USP7: variants seen among roughly 807,000 people sequenced by gnomAD.
The protein encoded by USP7 is ubiquitin specific peptidase 7.
A neutral mutation model predicts 162.9 loss-of-function variants in USP7; 9 were observed. The observed-to-expected ratio is 0.06, with a 90% confidence interval of 0.03 to 0.10. The LOEUF (loss-of-function observed/expected upper bound fraction) is 0.10, where lower values mean the gene tolerates loss of function less well. USP7 is among the 10% of genes least tolerant of loss of function. The pLI is 1.00. For synonymous variants in USP7, 562 were observed against 475.9 expected, an observed-to-expected ratio of 1.18 and a Z score of -2.35; for missense variants, 715 against 1,373.7, an observed-to-expected ratio of 0.52 and a Z score of 7.58.
At chr16:8,896,899 T>C in intron 26 of USP7, 100 bp downstream of exon 26, 4 of 900,124 alleles carry the variant, frequency 4.4e-6, no homozygotes, top group Non-Finnish European at 7.4e-6. Context: ...ATGACGCGCA[T>C]GGATCCCAGC....
At chr16:8,913,902 C>G (rs1042771698) in intron 10 of USP7, among the ~76,000 whole-genome samples, 2 of 151,804 alleles carry the variant, frequency 1.3e-5, no homozygotes, top group African/African-American at 4.9e-5. Flanking sequence ...GTGCATGCCA[C>G]CACGCCCAGC....
chr16:8,914,779 T>A (rs886977537), intron 10 of USP7, among the ~76,000 whole-genome samples: 1 of 150,172 alleles, frequency 6.7e-6, no homozygotes, highest in Non-Finnish European at 1.5e-5. Flanking sequence ...ATTAGCTGGG[T>A]GTGGTGGCAC....
At chr16:8,933,838 C>T (rs1898525464) in intron 1 of USP7, among the ~76,000 whole-genome samples, 1 of 151,850 alleles carries the variant, frequency 6.6e-6, no homozygotes, top group African/African-American at 2.4e-5. Flanking sequence ...TCACTGCAGC[C>T]TCCATCTCCT....
At chr16:8,946,290 C>A (rs530812652) in intron 1 of USP7, among the ~76,000 whole-genome samples, 12 of 152,006 alleles carry the variant, frequency 7.9e-5, no homozygotes, top group Non-Finnish European at 1.2e-4. Flanking sequence ...ACAACAACAA[C>A]AAAAAAATGG....
chr16:8,892,599 T>TA lies in USP7; in HGVS notation c.*1398dup, dbSNP rs945551502. ...TTTCTTAAGAGTAAATGTGACTAGTTAGAGGCTAAAAAAAAAAAAAAAAAA... is the reference window on the plus strand; with the variant it reads ...TTTCTTAAGAGTAAATGTGACTAGTTAAGAGGCTAAAAAAAAAAAAAAAAAA... On this transcript the variant is annotated 3_prime_UTR_variant, in exon 31 of 31. Coordinates refer to ENST00000344836, the MANE Select transcript of USP7 (RefSeq NM_003470.3). 1 of 111,878 alleles carries TA rather than the reference T, an allele frequency of 8.9e-6. No individual in the cohort carries two copies. 6.9% of individuals were successfully genotyped at this position (111,878 alleles called of 1,614,324 possible).
At chr16:8,960,497 C>G (rs1313335400) in intron 1 of USP7, among the ~76,000 whole-genome samples, 1 of 152,184 alleles carries the variant, frequency 6.6e-6, no homozygotes, top group Non-Finnish European at 1.5e-5. Flanking sequence ...ACAAAACAAA[C>G]GAAACAGTCT....
intron 11 of USP7, among the ~76,000 whole-genome samples, chr16:8,909,212 G>A (rs146792298): frequency 2.0e-5 from 3 of 152,100 alleles, no homozygotes; most frequent in South Asian, 2.1e-4. Flanking sequence ...TGCCTATCTC[G>A]ACCACGGCCA....
chr16:8,936,285 G>A (rs1026015583), intron 1 of USP7, among the ~76,000 whole-genome samples: 2 of 151,984 alleles, frequency 1.3e-5, no homozygotes, highest in Non-Finnish European at 2.9e-5. Context: ...CTCACATGGC[G>A]CCCTACAGCC....
chr16:8,899,032 CTAAT>C (rs2061733640), intron 23 of USP7, 85 bp downstream of exon 23: 35 of 1,390,440 alleles, frequency 2.5e-5, no homozygotes, highest in Non-Finnish European at 3.0e-5. Context: ...AAATGGCGAG[CTAAT>C]TATTAAAATT....
At position 8,918,532 on chromosome 16, in the gene USP7, G is replaced by C. The variant is rs113645462; in HGVS notation, c.720+499C>G. Reference sequence around the variant, plus strand: ...AAGTCTGCAAAATTAGGTCATGGCTGGGCATGGTGGATCATGCCTATAATC... The same window carrying C: ...AAGTCTGCAAAATTAGGTCATGGCTCGGCATGGTGGATCATGCCTATAATC... On this transcript the variant is annotated intron_variant, in intron 6 of 30. Transcript: ENST00000344836. Among the ~76,000 whole-genome samples, 779 of 152,296 alleles carry C rather than the reference G, an allele frequency of 5.1e-3. 8 individuals are homozygous for C. The highest frequency in any genetic ancestry group is 0.018 in the African/African-American group (741 of 41,558).
Position 8,920,373 on chromosome 16 carries a change from A to G in USP7, c.597T>C (p.Ala199=). The part of the protein sequence containing the change: ...VTFEVFVQAD[A]PHGVAWDSKK... Reference sequence around the variant, plus strand: ...GAAAAACTTACGCAACTCCATGGGGAGCATCCGCCTGTACAAAGACTTCAA... The same window carrying G: ...GAAAAACTTACGCAACTCCATGGGGGGCATCCGCCTGTACAAAGACTTCAA... Residue 199 remains alanine (A), a synonymous_variant, in exon 5 of 31, where the codon GCT becomes GCC. Coordinates refer to ENST00000344836, the MANE Select transcript of USP7 (RefSeq NM_003470.3). The G allele has an allele frequency of 6.2e-7, 1 of 1,611,244 alleles. No individual in the cohort carries two copies. The highest frequency in any genetic ancestry group is 8.5e-7 in the Non-Finnish European group (1 of 1,179,320).
chr16:8,918,163 T>C (rs377317970), intron 6 of USP7, among the ~76,000 whole-genome samples: 2 of 152,282 alleles, frequency 1.3e-5, no homozygotes, highest in East Asian at 3.9e-4. Flanking sequence ...GTGACTAGAA[T>C]TACCCATGCT....
intron 3 of USP7, among the ~76,000 whole-genome samples, chr16:8,921,596 G>A (rs980659406): frequency 1.3e-5 from 2 of 152,168 alleles, no homozygotes; most frequent in Middle Eastern, 3.4e-3. Flanking sequence ...TTCTACTGCC[G>A]ATATAGGGGT....
intron 1 of USP7, among the ~76,000 whole-genome samples, chr16:8,946,306 G>A (rs561222179): frequency 2.2e-4 from 33 of 152,230 alleles, no homozygotes; most frequent in Non-Finnish European, 3.1e-4. Flanking sequence ...AATGGCAGGC[G>A]GCGGTGGCTT....
chr16:8,936,729 T>A, intron 1 of USP7: 1 of 1,400,530 alleles, frequency 7.1e-7, no homozygotes, highest in Non-Finnish European at 9.3e-7. Context: ...TTTTATTTTT[T>A]AAAGCATCCC....
intron 1 of USP7, among the ~76,000 whole-genome samples, chr16:8,933,099 C>T (rs536530940): frequency 6.6e-6 from 1 of 152,244 alleles, no homozygotes; most frequent in Admixed American, 6.5e-5. Context: ...TACCACCACG[C>T]TTGGCTAATT....
At chr16:8,926,141 G>T (rs937019465) in intron 2 of USP7, among the ~76,000 whole-genome samples, 1 of 139,336 alleles carries the variant, frequency 7.2e-6, no homozygotes, top group African/African-American at 2.7e-5. Context: ...GCGACAGAGC[G>T]AGACTCCGTC....
At chr16:8,944,635 A>G (rs1458507591) in intron 1 of USP7, among the ~76,000 whole-genome samples, 1 of 152,008 alleles carries the variant, frequency 6.6e-6, no homozygotes, top group African/African-American at 2.4e-5. Flanking sequence ...AAAGAAAACT[A>G]TTTTTTTCTC....
rs1040638747 is a variant in USP7 at position 8,963,409 on chromosome 16, C to T, written c.-124G>A. 1.2e-5 allele frequency: 2 copies of T among 163,088 alleles called. No homozygotes were observed. Among genetic ancestry groups the T allele is most frequent in the Non-Finnish European group, 2.4e-5 (2 of 82,452 alleles). The allele number at this position is 163,088 out of a possible 1,614,324, so 10.1% of individuals were successfully genotyped here. The stretch of plus-strand genomic sequence containing the variant: ...GCGGGGCGGCCTCCTCCTCCTCCTC[C>T]CGCGCGTCGTCGGCGACGGCGGCCC... On this transcript the variant is annotated 5_prime_UTR_variant, in exon 1 of 31. Coordinates refer to ENST00000344836, the MANE Select transcript of USP7 (RefSeq NM_003470.3).
Sources: allele counts gnomAD v4.1 joint callset (sites outside exome capture counted in the v4.1 genomes callset), GRCh38; gene constraint gnomAD v4.1.1; transcripts MANE v1.5; gene names NCBI Gene and HGNC (gene_info 2026-07-23, HGNC 2026-07-21).